The following SARS1 variants were observed in gnomAD, a reference collection of about 807,000 sequenced individuals.
SARS1 encodes serine--tRNA ligase, cytoplasmic.
SARS1 carries 25 observed loss-of-function variants against 63.7 expected under a neutral mutation model. That is an observed-to-expected ratio of 0.39 (90% CI 0.29 to 0.55). The LOEUF (loss-of-function observed/expected upper bound fraction) is 0.55. SARS1 is among the 20% of genes least tolerant of loss of function. SARS1 has a pLI of 0.62. For missense variants in SARS1, 417 were observed against 649.7 expected, an observed-to-expected ratio of 0.64 and a Z score of 3.89; for synonymous variants, 231 against 243.5, an observed-to-expected ratio of 0.95 and a Z score of 0.48.
In SARS1 at chr1:109,230,950, G is replaced by C. The variant is rs761417249; in HGVS notation, c.520G>C (p.Val174Leu). Residue 174 changes from valine to leucine, a missense_variant, in exon 5 of 11, where the codon GTG becomes CTG. By Grantham distance (32) the Val-to-Leu change is conservative. Around this residue, in one of 3 missense-constraint regions of SARS1, gnomAD observed 359 missense variants for 529.6 expected, o/e 0.68. Transcript: ENST00000234677. The part of the protein sequence containing the change: ...VRKKYSHVDL[V>L]VMVDGFEGEK... ...GAAGAAGTACTCTCATGTGGACCTG[G>C]TGGTGATGGTAGATGGCTTTGAAGG... 6.3e-7 allele frequency: 1 copy of C among 1,586,632 alleles called. No homozygotes were observed. The highest frequency in any genetic ancestry group is 2.3e-5 in the East Asian group (1 of 42,648).
chr1:109,231,582 T>C (rs546420747), intron 5 of SARS1, 49 bp from the exon 6 acceptor site: 6 of 1,355,558 alleles, frequency 4.4e-6, no homozygotes, highest in South Asian at 2.2e-5. Flanking sequence ...TAGCTGAACA[T>C]GATGGTGACA....
intron 6 of SARS1, among the ~76,000 whole-genome samples, chr1:109,234,703 C>T (rs978537501): frequency 6.6e-6 from 1 of 152,334 alleles, no homozygotes; most frequent in Non-Finnish European, 1.5e-5. Flanking sequence ...CAGTGGCTCA[C>T]GCCTGTAACC....
At chr1:109,236,588 T>C in intron 9 of SARS1, 40 bp downstream of exon 9, 1 of 1,586,184 alleles carries the variant, frequency 6.3e-7, no homozygotes, top group Non-Finnish European at 8.6e-7. Flanking sequence ...GAGTCTTCAG[T>C]ACACGGCCCG....
rs955782226 is a variant in SARS1 at position 109,235,015 on chromosome 1, T to C, written c.748-195T>C. Among the ~76,000 whole-genome samples, 8 of 152,196 alleles carry C rather than the reference T, an allele frequency of 5.3e-5. No homozygotes were observed. The highest frequency in any genetic ancestry group is 1.2e-4 in the Non-Finnish European group (8 of 68,032). On this transcript the variant is annotated intron_variant, in intron 6 of 10. Coordinates refer to ENST00000234677, the MANE Select transcript of SARS1 (RefSeq NM_006513.4). This position sits in a 1 kb window ranked among gnomAD's most constrained non-coding sequence, Gnocchi z 4.7. ...AAATATTCTTTCCTCTTAATTTACATTTCTTTGATCTCTGTCAGGGACCCC... is the reference window on the plus strand; with the variant it reads ...AAATATTCTTTCCTCTTAATTTACACTTCTTTGATCTCTGTCAGGGACCCC...
chr1:109,237,818 A>C lies in SARS1; in HGVS notation c.1475A>C (p.Lys492Thr). 6.2e-7 allele frequency: 1 copy of C among 1,614,212 alleles called. No homozygotes were observed. The highest frequency in any genetic ancestry group is 1.1e-5 in the South Asian group (1 of 91,076). The part of the protein sequence containing the change: ...KKQKKQHEGS[K>T]KKAAARDVTL... ...CAGAAGAAGCAACATGAGGGCAGCA[A>C]AAAGAAAGCAGCAGCAAGAGACGTC... The change falls in exon 11 of 11, where the codon AAA (lysine) becomes ACA (threonine). Residue 492 changes from lysine to threonine, a missense_variant. By Grantham distance (78) the Lys-to-Thr change is moderately conservative. Coordinates refer to ENST00000234677, the MANE Select transcript of SARS1 (RefSeq NM_006513.4). This position sits in a 1 kb window ranked among gnomAD's most constrained non-coding sequence, Gnocchi z 4.1.
chr1:109,236,316 T>C, intron 8 of SARS1, 75 bp from the exon 9 acceptor site: 1 of 1,459,634 alleles, frequency 6.9e-7, no homozygotes. Context: ...ATTAAAGAAT[T>C]CTTCAGGCTT....
intron 1 of SARS1, among the ~76,000 whole-genome samples, chr1:109,220,184 ATG>A: frequency 1.3e-5 from 2 of 152,330 alleles, no homozygotes; most frequent in Middle Eastern, 6.8e-3. Context: ...GTACATTCTT[ATG>A]TGTGTCTTTT....
chr1:109,236,687 T>C, intron 9 of SARS1, 139 bp downstream of exon 9: 1 of 1,485,808 alleles, frequency 6.7e-7, no homozygotes, highest in Non-Finnish European at 9.0e-7. Context: ...AAAGGGAATC[T>C]GAAAATGCCT....
At position 109,235,440 on chromosome 1, in the gene SARS1, A is replaced by G. The variant is rs773365497; in HGVS notation, c.969+9A>G. The G allele has an allele frequency of 6.2e-7, 1 of 1,607,350 alleles. No individual in the cohort carries two copies. Among genetic ancestry groups the G allele is most frequent in the Middle Eastern group, 2.0e-4 (1 of 5,030 alleles). Reference sequence around the variant, plus strand: ...TCCATCAGTTTGAGAAGGTGAGTAGATGGGTCAGGGTAAGGAGTGGAACTT... The same window carrying G: ...TCCATCAGTTTGAGAAGGTGAGTAGGTGGGTCAGGGTAAGGAGTGGAACTT... On this transcript the variant is annotated intron_variant, in intron 7 of 10. Transcript: ENST00000234677. This position sits in a 1 kb window ranked among gnomAD's most constrained non-coding sequence, Gnocchi z 4.7.
At chr1:109,230,535 G>A (rs759003265) in intron 4 of SARS1, among the ~76,000 whole-genome samples, 2 of 152,150 alleles carry the variant, frequency 1.3e-5, no homozygotes, top group African/African-American at 4.8e-5. Context: ...AGCTTGGCGC[G>A]GTGGCTCACG....
In SARS1 at chr1:109,214,834, G is replaced by A; in HGVS notation, c.136+706G>A. ...GTTTTCCTTTAAAGACATTGGCAGA[G>A]TTGGGCTAGAACCTGGAACTGCCGG... On this transcript the variant is annotated intron_variant, in intron 1 of 10. Coordinates refer to ENST00000234677, the MANE Select transcript of SARS1 (RefSeq NM_006513.4). The surrounding 1 kb of genome is among the most constrained non-coding windows in gnomAD (Gnocchi z 4.6). The A allele has an allele frequency of 2.0e-6, 2 of 985,490 alleles. No individual in the cohort carries two copies. Among genetic ancestry groups the A allele is most frequent in the Non-Finnish European group, 2.4e-6 (2 of 829,954 alleles). The allele number at this position is 985,490 out of a possible 1,614,324, so 61.0% of individuals were successfully genotyped here.
At chr1:109,220,007 A>ATT (rs1191154426) in intron 1 of SARS1, among the ~76,000 whole-genome samples, 1 of 152,240 alleles carries the variant, frequency 6.6e-6, no homozygotes, top group African/African-American at 2.4e-5. Flanking sequence ...AAGCTTCTAG[A>ATT]GACTCTTTTT....
At chr1:109,224,692 C>T (rs1218711737) in intron 2 of SARS1, among the ~76,000 whole-genome samples, 1 of 152,102 alleles carries the variant, frequency 6.6e-6, no homozygotes, top group Non-Finnish European at 1.5e-5. Flanking sequence ...AAAATCCTTC[C>T]TATGCCTGAA....
intron 5 of SARS1, 108 bp from the exon 6 acceptor site, chr1:109,231,521 GCC>G: frequency 1.1e-6 from 1 of 882,620 alleles, no homozygotes; most frequent in Non-Finnish European, 1.6e-6. Context: ...CCTCCTGCTT[GCC>G]CCTCGGTAGT....
At chr1:109,236,675 A>G in intron 9 of SARS1, 127 bp downstream of exon 9, 3 of 1,487,980 alleles carry the variant, frequency 2.0e-6, no homozygotes, top group Non-Finnish European at 2.7e-6. Context: ...AATCTAGACC[A>G]AAAAGGGAAT....
At chr1:109,215,318 A>G (rs1377991442) in intron 1 of SARS1, 1 of 985,360 alleles carries the variant, frequency 1.0e-6, no homozygotes, top group Non-Finnish European at 1.2e-6. Context: ...ATCTGAAGTC[A>G]GGAGTATCAG....
intron 6 of SARS1, among the ~76,000 whole-genome samples, chr1:109,232,517 A>T (rs1655230167): frequency 6.6e-6 from 1 of 152,242 alleles, no homozygotes; most frequent in Non-Finnish European, 1.5e-5. Flanking sequence ...CAGTGGAGGT[A>T]GAGTTAGACA....
rs1436656016 is a variant in SARS1, at chr1:109,230,888, A to G, written c.458A>G (p.Asn153Ser). 3 of 1,603,208 alleles carry G rather than the reference A, an allele frequency of 1.9e-6. No homozygotes were observed. The highest frequency in any genetic ancestry group is 2.6e-6 in the Non-Finnish European group (3 of 1,173,902). Residue 153 changes from asparagine (N) to serine (S), a missense_variant, in exon 5 of 11, where the codon AAC becomes AGC. By Grantham distance (46) the Asn-to-Ser change is conservative (BLOSUM62 1). Around this residue, in one of 3 missense-constraint regions of SARS1, gnomAD observed 359 missense variants for 529.6 expected, o/e 0.68. Transcript: ENST00000234677. Reference protein sequence around the residue: ...VPISNDEDVDNKVERIWGDCT... With the variant: ...VPISNDEDVDSKVERIWGDCT... ...GCTCTGTTTCCTTAGGATGTGGACAACAAAGTAGAGAGGATTTGGGGTGAT... is the reference window on the plus strand; with the variant it reads ...GCTCTGTTTCCTTAGGATGTGGACAGCAAAGTAGAGAGGATTTGGGGTGAT...
chr1:109,236,917 C>G (rs767880397), intron 9 of SARS1: 2 of 1,548,612 alleles, frequency 1.3e-6, no homozygotes, highest in Admixed American at 2.1e-5. Flanking sequence ...TCAGGCCCTA[C>G]TCTTTTCCAA....
Sources: gnomAD v4.1 joint callset for allele counts (sites outside exome capture counted in the v4.1 genomes callset) on GRCh38, gnomAD v4.1.1 for gene constraint, gnomAD v4.1.1 regional missense constraint, Gnocchi (gnomAD v3.1) non-coding constraint, MANE v1.5 for transcripts, NCBI Gene and HGNC (gene_info 2026-07-23, HGNC 2026-07-21) for gene names.